Variants in CNTLN observed in about 807,000 individuals in gnomAD.
The protein encoded by CNTLN is centlein, centrosomal protein.
CNTLN carries 212 observed loss-of-function variants against 180.0 expected under a neutral mutation model. That is an observed-to-expected ratio of 1.18 (90% CI 1.05 to 1.32). The LOEUF (loss-of-function observed/expected upper bound fraction) is 1.32, where lower values mean the gene tolerates loss of function less well. Among genes scored for constraint, CNTLN ranks in the 40% most tolerant of loss-of-function variants. CNTLN has a pLI of 0.00. For missense variants in CNTLN, 2,095 were observed against 1,610.9 expected, an observed-to-expected ratio of 1.30 and a Z score of -5.14; for synonymous variants, 722 against 563.1, an observed-to-expected ratio of 1.28 and a Z score of -3.99.
chr9:17,471,047 A>G (rs2134237464), intron 23 of CNTLN, among the ~76,000 whole-genome samples: 1 of 152,248 alleles, frequency 6.6e-6, no homozygotes, highest in East Asian at 1.9e-4. Context: ...TATACTGAAA[A>G]AGGAAATGAC....
chr9:17,321,990 CTTAA>C (rs1271259360), intron 8 of CNTLN, among the ~76,000 whole-genome samples: 33 of 152,146 alleles, frequency 2.2e-4, no homozygotes, highest in African/African-American at 7.9e-4. Flanking sequence ...TATTTTTATA[CTTAA>C]TTAGTTTCGA....
chr9:17,466,736 A>G lies in CNTLN; in HGVS notation c.3700A>G (p.Ile1234Val). The part of the protein sequence containing the change: ...DLKLTLLVSR[I>V]SETESAMAEI... Reference sequence around the variant, plus strand: ...CAAGCTTACTCTCCTAGTATCAAGAATAAGTGAGACTGAATCTGCAATGGC... The same window carrying G: ...CAAGCTTACTCTCCTAGTATCAAGAGTAAGTGAGACTGAATCTGCAATGGC... Residue 1234 changes from isoleucine to valine, a missense_variant, in exon 23 of 26, where the codon ATA becomes GTA. By Grantham distance (29) the Ile-to-Val change is conservative. Coordinates refer to ENST00000380647, the MANE Select transcript of CNTLN (RefSeq NM_017738.4). The G allele has an allele frequency of 6.2e-7, 1 of 1,610,268 alleles. No homozygotes were observed. The highest frequency in any genetic ancestry group is 1.3e-5 in the African/African-American group (1 of 74,740).
chr9:17,482,886 A>C (rs73416465), intron 23 of CNTLN, among the ~76,000 whole-genome samples: 3 of 152,046 alleles, frequency 2.0e-5, no homozygotes, highest in African/African-American at 7.3e-5. Context: ...ATGATTACAA[A>C]TGGATAAAAA....
intron 5 of CNTLN, among the ~76,000 whole-genome samples, chr9:17,252,637 C>T (rs905376213): frequency 1.3e-5 from 2 of 151,504 alleles, no homozygotes; most frequent in African/African-American, 4.8e-5. Flanking sequence ...GTTACTAGTC[C>T]CCTGTTGACT....
chr9:17,258,714 G>T (rs368673036), intron 5 of CNTLN, among the ~76,000 whole-genome samples: 1 of 146,546 alleles, frequency 6.8e-6, no homozygotes, highest in Non-Finnish European at 1.5e-5. Context: ...GGATTCCTAG[G>T]TATTTTATTC....
At chr9:17,236,695 T>C in intron 5 of CNTLN, 107 bp downstream of exon 5, 1 of 805,512 alleles carries the variant, frequency 1.2e-6, no homozygotes, top group Non-Finnish European at 1.9e-6. Context: ...TATCCACCAG[T>C]GGGGACTAGC....
chr9:17,442,689 A>G (rs1588005094), intron 18 of CNTLN, among the ~76,000 whole-genome samples: 1 of 152,194 alleles, frequency 6.6e-6, no homozygotes, highest in Non-Finnish European at 1.5e-5. Context: ...GTAAGCCACC[A>G]TGCCCAGCTA....
chr9:17,519,108 T>A, the CNTLN span, among the ~76,000 whole-genome samples: 9 of 152,004 alleles, frequency 5.9e-5, no homozygotes. Context: ...TTATTTATTT[T>A]TTAAAGAGAG....
At chr9:17,446,105 T>C (rs577587264) in intron 18 of CNTLN, among the ~76,000 whole-genome samples, 18 of 152,288 alleles carry the variant, frequency 1.2e-4, no homozygotes, top group African/African-American at 3.8e-4. Context: ...CACAATTGTC[T>C]TGTGACCCTG....
intron 5 of CNTLN, among the ~76,000 whole-genome samples, chr9:17,256,418 A>G (rs1279026122): frequency 6.6e-6 from 1 of 151,842 alleles, no homozygotes; most frequent in Non-Finnish European, 1.5e-5. Flanking sequence ...AGCTTCTCCA[A>G]CATCTGTTAT....
At chr9:17,180,195 C>T (rs1357325002) in intron 2 of CNTLN, among the ~76,000 whole-genome samples, 1 of 146,346 alleles carries the variant, frequency 6.8e-6, no homozygotes, top group Non-Finnish European at 1.5e-5. Context: ...TTACGTGTGT[C>T]ATTTTGCTTT....
chr9:17,378,477 C>A (rs142468372), intron 13 of CNTLN, among the ~76,000 whole-genome samples: 2,434 of 152,168 alleles, frequency 0.016, 68 homozygotes, highest in African/African-American at 0.056. Context: ...CCGCACCCGG[C>A]CTTCTTTTGT....
chr9:17,270,621 A>G (rs186929691), intron 5 of CNTLN, among the ~76,000 whole-genome samples: 297 of 152,276 alleles, frequency 2.0e-3, no homozygotes, highest in African/African-American at 6.7e-3. Flanking sequence ...AGTTGAGAAC[A>G]TCCTTTTAAA....
At chr9:17,402,447 T>C (rs1184703044) in intron 15 of CNTLN, among the ~76,000 whole-genome samples, 1 of 151,822 alleles carries the variant, frequency 6.6e-6, no homozygotes, top group Admixed American at 6.6e-5. Context: ...CTCACTGAAC[T>C]AAGTCCCACA....
intron 13 of CNTLN, among the ~76,000 whole-genome samples, chr9:17,381,064 G>A (rs902168646): frequency 1.3e-5 from 2 of 152,216 alleles, no homozygotes; most frequent in Non-Finnish European, 2.9e-5. Context: ...TACTGTCAGT[G>A]TTAGTTTCTA....
chr9:17,175,172 A>G (rs1177557063), intron 2 of CNTLN, among the ~76,000 whole-genome samples: 2 of 152,148 alleles, frequency 1.3e-5, no homozygotes, highest in Admixed American at 6.5e-5. Flanking sequence ...TTTTTCTTCA[A>G]TGGGTATGTT....
chr9:17,334,533 A>G (rs1332323099), intron 10 of CNTLN, among the ~76,000 whole-genome samples: 1 of 152,154 alleles, frequency 6.6e-6, no homozygotes, highest in African/African-American at 2.4e-5. Context: ...CTTACGTGAT[A>G]ATGGAGGCTC....
At chr9:17,181,701 C>T (rs1254301842) in intron 2 of CNTLN, among the ~76,000 whole-genome samples, 1 of 152,172 alleles carries the variant, frequency 6.6e-6, no homozygotes, top group Non-Finnish European at 1.5e-5. Context: ...GGAGTTAGCC[C>T]CTCCTATTTA....
At chr9:17,206,691 T>C (rs1186354987) in intron 2 of CNTLN, among the ~76,000 whole-genome samples, 1 of 152,144 alleles carries the variant, frequency 6.6e-6, no homozygotes, top group African/African-American at 2.4e-5. Flanking sequence ...TTGAACTCAA[T>C]TGACCATTTG....
Sources: gnomAD v4.1 joint callset for allele counts (sites outside exome capture counted in the v4.1 genomes callset) on GRCh38, gnomAD v4.1.1 for gene constraint, MANE v1.5 for transcripts, NCBI Gene and HGNC (gene_info 2026-07-23, HGNC 2026-07-21) for gene names.